The following HEATR4 variants were observed in gnomAD, a reference collection of about 807,000 sequenced individuals.
HEATR4 encodes the protein HEAT repeat-containing protein 4.
A neutral mutation model predicts 108.8 loss-of-function variants in HEATR4; 95 were observed. The observed-to-expected ratio is 0.87, with a 90% confidence interval of 0.74 to 1.04. The LOEUF is 1.04. Ranked by LOEUF, HEATR4 falls within the 50% of genes least tolerant of loss-of-function variation. The probability of loss-of-function intolerance (pLI) is 0.00; values close to 1 mark genes in which losing one functional copy is unlikely to be tolerated. For synonymous variants in HEATR4, 443 were observed against 459.4 expected (o/e 0.96, Z 0.46); for missense variants, 1,152 against 1,253.8 (o/e 0.92, Z 1.23).
chr14:73,511,884 C>T (rs1209774654), intron 7 of HEATR4, 122 bp downstream of exon 7: 9 of 1,194,258 alleles, frequency 7.5e-6, no homozygotes, highest in Non-Finnish European at 1.1e-5. Context: ...AGGCCAGTCT[C>T]TAAGTCTTGG....
At chr14:73,579,722 A>G in the HEATR4 span, among the ~76,000 whole-genome samples, 2 of 151,856 alleles carry the variant, frequency 1.3e-5, no homozygotes, top group Non-Finnish European at 2.9e-5. Context: ...CCTGGCCATC[A>G]TGAATAATTT....
Position 73,527,884 on chromosome 14 carries a change from C to T in HEATR4, c.-73+2282G>A, listed in dbSNP as rs368811352. Among the ~76,000 whole-genome samples the T allele has an allele frequency of 2.1e-4, 30 of 140,110 alleles. 1 individual carries two copies. Among genetic ancestry groups the T allele is most frequent in the Admixed American group, 1.0e-3 (13 of 12,572 alleles). The allele number at this position is 140,110 out of a possible 152,430, so 91.9% of individuals were successfully genotyped here. A position where few individuals can be genotyped will look rare whatever the true frequency, so the allele number is the denominator to read the frequency against. On this transcript the variant is annotated intron_variant, in intron 2 of 17. Coordinates refer to ENST00000553558, the MANE Select transcript of HEATR4 (RefSeq NM_001220484.1). ...ATCCCAGCTACTTGGGAGGCTGAGG[C>T]AGGAGAGTTCCTTGAACCTGACAGG...
chr14:73,621,122 A>G, the HEATR4 span, among the ~76,000 whole-genome samples: 1 of 152,032 alleles, frequency 6.6e-6, no homozygotes, highest in Non-Finnish European at 1.5e-5. Context: ...CTGAGGCAGG[A>G]GAATTGCTTG....
the HEATR4 span, among the ~76,000 whole-genome samples, chr14:73,597,884 G>A: frequency 2.2e-3 from 333 of 151,054 alleles, no homozygotes; most frequent in African/African-American, 7.9e-3. Flanking sequence ...TAGCCACCGC[G>A]CCTGGCCTTT....
chr14:73,522,380 AG>A lies in HEATR4; in HGVS notation c.772del (p.Leu258SerfsTer2), dbSNP rs1257789270. On this transcript the variant is annotated frameshift_variant, in exon 3 of 18. Coordinates refer to ENST00000553558, the MANE Select transcript of HEATR4 (RefSeq NM_001220484.1). LOFTEE classifies it high-confidence loss of function. ...CTCTTCTGCCTCCAGCTGTTTCAGG[AG>A]CTCCAGGTCACTGGCAGAGGTAAGC... The part of the protein sequence containing the change: ...DELTSASDLE[L>X]LKQLEAEETA... 3.1e-6 allele frequency: 5 copies of A among 1,614,072 alleles called. No individual in the cohort carries two copies. Among genetic ancestry groups the A allele is most frequent in the Non-Finnish European group, 4.2e-6 (5 of 1,180,040 alleles).
At chr14:73,485,868 C>CAA (rs60903942) in intron 17 of HEATR4, among the ~76,000 whole-genome samples, 17,832 of 146,354 alleles carry the variant, frequency 0.12, 1,486 homozygotes, top group Non-Finnish European at 0.18. Context: ...GACTCTGTCT[C>CAA]AAAAAAAAAA....
At chr14:73,586,567 G>A in the HEATR4 span, among the ~76,000 whole-genome samples, 5 of 151,966 alleles carry the variant, frequency 3.3e-5, no homozygotes, top group South Asian at 4.2e-4. Context: ...TTAGCCTGGC[G>A]TGGTGGCATG....
intron 9 of HEATR4, among the ~76,000 whole-genome samples, chr14:73,506,807 T>TTTTTTTTTTTTTTTTTTG (rs1886875779): frequency 9.8e-6 from 1 of 102,220 alleles, no homozygotes; most frequent in African/African-American, 4.9e-5. Context: ...TTTAACTGTT[T>TTTTTTTTTTTTTTTTTTG]TTTTTTTTTT....
chr14:73,544,996 A>AT lies in HEATR4; in HGVS notation c.-152+13754dup, dbSNP rs1296385562. Among the ~76,000 whole-genome samples the AT allele has an allele frequency of 6.3e-5, 7 of 110,358 alleles. 1 individual carries two copies. Among genetic ancestry groups the AT allele is most frequent in the African/African-American group, 1.8e-4 (6 of 34,120 alleles). 72.4% of individuals were successfully genotyped at this position (110,358 alleles called of 152,430 possible). On this transcript the variant is annotated intron_variant, in intron 1 of 17. Coordinates refer to ENST00000553558, the MANE Select transcript of HEATR4 (RefSeq NM_001220484.1). ...TATAAATAGTTACACAATAAACTTGATTTTTTCTTAAACCTTAGTTGTATT... is the reference window on the plus strand; with the variant it reads ...TATAAATAGTTACACAATAAACTTGATTTTTTTCTTAAACCTTAGTTGTATT...
the HEATR4 span, chr14:73,611,602 GAAACA>G: frequency 2.6e-5 from 4 of 152,206 alleles, no homozygotes; most frequent in African/African-American, 9.7e-5. Context: ...TGTGAGGTAA[GAAACA>G]AAACAAAACT....
At chr14:73,569,537 C>T in the HEATR4 span, 2 of 1,606,112 alleles carry the variant, frequency 1.2e-6, no homozygotes, top group East Asian at 2.2e-5. Context: ...TGCGCGCGTC[C>T]CTGCGCGACG....
chr14:73,569,732 G>A, the HEATR4 span: 6 of 1,609,516 alleles, frequency 3.7e-6, no homozygotes, highest in Non-Finnish European at 5.1e-6. Flanking sequence ...GAACGCCCTT[G>A]GCCGTGGAGC....
intron 16 of HEATR4, 38 bp downstream of exon 16, chr14:73,495,190 A>G (rs1352019339): frequency 6.3e-7 from 1 of 1,579,174 alleles, no homozygotes; most frequent in South Asian, 1.2e-5. Flanking sequence ...GGCTTATTAA[A>G]GGAATCAAGG....
At chr14:73,584,918 T>A in the HEATR4 span, among the ~76,000 whole-genome samples, 1 of 151,000 alleles carries the variant, frequency 6.6e-6, no homozygotes, top group Non-Finnish European at 1.5e-5. Context: ...CACTCCAGTG[T>A]CCCCCACTTC....
chr14:73,506,939 T>TAA (rs1886897742), intron 9 of HEATR4, among the ~76,000 whole-genome samples: 2 of 151,540 alleles, frequency 1.3e-5, no homozygotes, highest in South Asian at 4.2e-4. Context: ...TAGCTGGGAT[T>TAA]ACAGGCGCCT....
At chr14:73,613,073 C>T in the HEATR4 span, 3 of 578,382 alleles carry the variant, frequency 5.2e-6, no homozygotes, top group Non-Finnish European at 8.5e-6. Context: ...CGACCCCCAC[C>T]GGCCCCTTTC....
chr14:73,509,351 G>T lies in HEATR4; in HGVS notation c.1681C>A (p.Pro561Thr). The part of the protein sequence containing the change: ...ICQYAIQSHN[P>T]LARNIMQTAL... ...GTCTGCATGATGTTCCGGGCAAGGG[G>T]ATTATGTGACTGTATGGCATATTGG... Residue 561 changes from proline to threonine, a missense_variant, in exon 8 of 18, where the codon CCC becomes ACC. Transcript: ENST00000553558. 6.2e-7 allele frequency: 1 copy of T among 1,614,118 alleles called. No homozygotes were observed. The highest frequency in any genetic ancestry group is 1.1e-5 in the South Asian group (1 of 91,064).
At chr14:73,499,007 A>G in intron 13 of HEATR4, 64 bp downstream of exon 13, 1 of 1,410,148 alleles carries the variant, frequency 7.1e-7, no homozygotes, top group South Asian at 1.1e-5. Context: ...TCAGGGGATC[A>G]TTTCTACTTG....
At chr14:73,548,006 A>G (rs1889262056) in intron 1 of HEATR4, among the ~76,000 whole-genome samples, 1 of 115,250 alleles carries the variant, frequency 8.7e-6, no homozygotes, top group South Asian at 2.7e-4. Flanking sequence ...AGCTCATTGT[A>G]GCCTCAAACT....
Sources: allele counts gnomAD v4.1 joint callset (sites outside exome capture counted in the v4.1 genomes callset), GRCh38; gene constraint gnomAD v4.1.1; transcripts MANE v1.5; gene names NCBI Gene and HGNC (gene_info 2026-07-23, HGNC 2026-07-21).